PARP12: variants seen among roughly 807,000 people sequenced by gnomAD.
PARP12 encodes the protein poly(ADP-ribose) polymerase family member 12.
Under a neutral mutation model 72.4 loss-of-function variants are expected in PARP12, and 59 were observed. That is an observed-to-expected ratio of 0.81 (90% CI 0.66 to 1.01). The LOEUF is 1.01. Ranked by LOEUF, PARP12 falls within the 50% of genes least tolerant of loss-of-function variation. PARP12 has a pLI of 0.00. For synonymous variants in PARP12, 403 were observed against 371.4 expected, an observed-to-expected ratio of 1.09 and a Z score of -0.98; for missense variants, 851 against 914.0, an observed-to-expected ratio of 0.93 and a Z score of 0.89.
chr7:140,029,865 A>C (rs1815873256), intron 8 of PARP12, among the ~76,000 whole-genome samples: 1 of 152,228 alleles, frequency 6.6e-6, no homozygotes, highest in African/African-American at 2.4e-5. Context: ...GGCCCACAGC[A>C]ACAAGGAAAT....
chr7:140,038,885 A>C (rs550931745), intron 6 of PARP12, among the ~76,000 whole-genome samples: 1 of 152,298 alleles, frequency 6.6e-6, no homozygotes, highest in East Asian at 1.9e-4. Context: ...AAAAGTACCC[A>C]GATATTTCAA....
At position 140,054,687 on chromosome 7, in the gene PARP12, A is replaced by G. The variant is rs1817109378; in HGVS notation, c.837T>C (p.His279=). Residue 279 remains histidine (H), a synonymous_variant, in exon 4 of 12, where the codon CAT becomes CAC. Coordinates refer to ENST00000263549, the MANE Select transcript of PARP12 (RefSeq NM_022750.4). ...CTTGAAAGCTACAACTTTTCCGGAT[A>G]TGGTACAAACAGATCTGATCACCCT... is the stretch of plus-strand genomic sequence containing the variant. The part of the protein sequence containing the change: ...QEEGDQICLY[H]IRKSCSFQDK... 1 of 1,613,884 alleles carries G rather than the reference A, an allele frequency of 6.2e-7. No homozygotes were observed. Among genetic ancestry groups the G allele is most frequent in the Non-Finnish European group, 8.5e-7 (1 of 1,179,716 alleles).
intron 5 of PARP12, among the ~76,000 whole-genome samples, chr7:140,042,924 G>GCA (rs1341947347): frequency 9.9e-5 from 15 of 152,174 alleles, no homozygotes; most frequent in Admixed American, 9.2e-4. Context: ...GGCCGGGCAT[G>GCA]GTGGCTCACG....
Position 140,062,508 on chromosome 7 carries a change from G to A in PARP12, c.326+14C>T. On this transcript the variant is annotated intron_variant, in intron 1 of 11. Transcript: ENST00000263549. ...GGACCTCCGCCCGCCGTCGCTCCCG[G>A]CGCGGCGCCTTACCCGGCTCTCAGG... 8 of 1,535,944 alleles carry A rather than the reference G, an allele frequency of 5.2e-6. No homozygotes were observed. Among genetic ancestry groups the A allele is most frequent in the Non-Finnish European group, 7.0e-6 (8 of 1,145,730 alleles).
intron 3 of PARP12, among the ~76,000 whole-genome samples, chr7:140,055,934 G>A (rs936472325): frequency 2.0e-5 from 3 of 152,232 alleles, no homozygotes; most frequent in Non-Finnish European, 4.4e-5. Context: ...TATTAAAATT[G>A]TAGCCACCAC....
chr7:140,054,562 G>T, intron 4 of PARP12, 100 bp downstream of exon 4: 1 of 977,530 alleles, frequency 1.0e-6, no homozygotes, highest in Non-Finnish European at 1.6e-6. Context: ...TCTCCGGATG[G>T]GGTAGAGGTT....
intron 2 of PARP12, chr7:140,057,658 G>T (rs958515117): frequency 3.8e-6 from 2 of 529,962 alleles, no homozygotes; most frequent in Non-Finnish European, 6.6e-6. Flanking sequence ...AGAAGTTAAA[G>T]AATCAGCCCT....
At chr7:140,037,379 C>T (rs898176410) in intron 7 of PARP12, among the ~76,000 whole-genome samples, 8 of 152,232 alleles carry the variant, frequency 5.3e-5, no homozygotes, top group African/African-American at 1.2e-4. Context: ...AGACACTGCA[C>T]GACGGAGCTG....
chr7:140,047,776 CA>C, intron 4 of PARP12, among the ~76,000 whole-genome samples: 1 of 152,214 alleles, frequency 6.6e-6, no homozygotes, highest in East Asian at 1.9e-4. Context: ...CACCACCACA[CA>C]GCTAATTTTT....
intron 11 of PARP12, chr7:140,025,208 G>A (rs1815685541): frequency 2.9e-6 from 1 of 349,974 alleles, no homozygotes; most frequent in South Asian, 2.9e-5. Context: ...AGATTCCTCA[G>A]GCATAAAATG....
intron 8 of PARP12, among the ~76,000 whole-genome samples, chr7:140,032,532 C>CT (rs992663417): frequency 4.6e-5 from 7 of 151,972 alleles, no homozygotes; most frequent in Admixed American, 4.6e-4. Context: ...CGACATTATA[C>CT]TTTTTAATAG....
rs142091414 is a variant in PARP12, at chr7:140,029,504, T to C, written c.1422-816A>G. Among the ~76,000 whole-genome samples, 8 of 152,264 alleles carry C rather than the reference T, an allele frequency of 5.3e-5. No individual in the cohort carries two copies. The East Asian group carries it at 1.5e-3, about 29-fold the overall frequency. ...CCTCAAAGAACTCCCACAAATAACTTTCCTGGGAAAATGGCACAGTTCAAA... is the reference window on the plus strand; with the variant it reads ...CCTCAAAGAACTCCCACAAATAACTCTCCTGGGAAAATGGCACAGTTCAAA... On this transcript the variant is annotated intron_variant, in intron 8 of 11. Coordinates refer to ENST00000263549, the MANE Select transcript of PARP12 (RefSeq NM_022750.4).
rs185598432 is a variant in PARP12, at chr7:140,058,894, G to A, written c.327-860C>T. ...ATGGATCACTTGAGGTCGGGAGTTC[G>A]AGACTAGCCTGGCCAACATGAAGAA... On this transcript the variant is annotated intron_variant, in intron 1 of 11. Transcript: ENST00000263549. 3.8e-3 allele frequency among the ~76,000 whole-genome samples: 584 copies of A among 152,128 alleles called. 5 individuals are homozygous for A. The highest frequency in any genetic ancestry group is 3.9e-3 in the Non-Finnish European group (263 of 67,978).
intron 4 of PARP12, among the ~76,000 whole-genome samples, chr7:140,047,911 T>A (rs1203792908): frequency 6.6e-6 from 1 of 152,204 alleles, no homozygotes; most frequent in Non-Finnish European, 1.5e-5. Context: ...CCACCACACC[T>A]GGCAATTTTT....
intron 10 of PARP12, 95 bp from the exon 11 acceptor site, chr7:140,026,443 A>C: frequency 6.6e-7 from 1 of 1,515,306 alleles, no homozygotes; most frequent in Non-Finnish European, 8.8e-7. Context: ...CCAAAATTCC[A>C]AAAGTGTCCT....
intron 4 of PARP12, among the ~76,000 whole-genome samples, chr7:140,051,388 AT>A (rs1218388655): frequency 6.7e-5 from 10 of 150,204 alleles, no homozygotes; most frequent in Admixed American, 2.6e-4. Context: ...CCCTTTAAAG[AT>A]TTTTTTTCTT....
rs1412114130 is a variant in PARP12 at position 140,023,999 on chromosome 7, T to C, written c.*561A>G. On this transcript the variant is annotated 3_prime_UTR_variant, in exon 12 of 12. Transcript: ENST00000263549. ...ACAAGGGGAACCAGCAGGGACTCGA[T>C]GGCACCACACAGCAGCCACCTGTTC... is the stretch of plus-strand genomic sequence containing the variant. 1 of 170,988 alleles carries C rather than the reference T, an allele frequency of 5.8e-6. No individual in the cohort carries two copies. The highest frequency in any genetic ancestry group is 1.3e-5 in the Non-Finnish European group (1 of 78,158). 10.6% of individuals were successfully genotyped at this position (170,988 alleles called of 1,614,324 possible). A position where few individuals can be genotyped will look rare whatever the true frequency, so the allele number is the denominator to read the frequency against.
Position 140,054,771 on chromosome 7 carries a change from G to GA in PARP12, c.761-9dup. The GA allele has an allele frequency of 6.3e-7, 1 of 1,594,848 alleles. No individual in the cohort carries two copies. Among genetic ancestry groups the GA allele is most frequent in the South Asian group, 1.1e-5 (1 of 90,674 alleles). The stretch of plus-strand genomic sequence containing the variant: ...CTGAACTGTCTTTTCTTTCTGCAAA[G>GA]AAACACCACAAAGATATGTCAGCTT... On this transcript the variant is annotated splice_polypyrimidine_tract_variant and intron_variant, in intron 3 of 11. Transcript: ENST00000263549.
At chr7:140,055,956 G>A (rs1262071492) in intron 3 of PARP12, among the ~76,000 whole-genome samples, 2 of 152,234 alleles carry the variant, frequency 1.3e-5, no homozygotes, top group East Asian at 3.8e-4. Flanking sequence ...ACAGCTGAGA[G>A]GGTTTGATTC....
Sources: allele counts gnomAD v4.1 joint callset (sites outside exome capture counted in the v4.1 genomes callset), GRCh38; gene constraint gnomAD v4.1.1; transcripts MANE v1.5; gene names NCBI Gene and HGNC (gene_info 2026-07-23, HGNC 2026-07-21).